The following ZNF331 variants were observed in gnomAD, a reference collection of about 807,000 sequenced individuals.
The protein encoded by ZNF331 is zinc finger protein 331.
A neutral mutation model predicts 7.0 loss-of-function variants in ZNF331; 2 were observed. That is an observed-to-expected ratio of 0.29 (90% confidence interval 0.12 to 0.90). The LOEUF (loss-of-function observed/expected upper bound fraction) is 0.90. Among genes scored for constraint, ZNF331 ranks in the 40% least tolerant of loss-of-function variants. The pLI, the probability that ZNF331 is intolerant of heterozygous loss-of-function variation, is 0.58. For synonymous variants in ZNF331, 196 were observed against 205.4 expected, an observed-to-expected ratio of 0.95 and a Z score of 0.39; for missense variants, 432 against 587.7, an observed-to-expected ratio of 0.74 and a Z score of 2.74.
chr19:53,569,152 G>C (rs1422823152), intron 3 of ZNF331, among the ~76,000 whole-genome samples, 152 bp from the exon 4 acceptor site: 2 of 152,148 alleles, frequency 1.3e-5, no homozygotes, highest in Non-Finnish European at 2.9e-5. Flanking sequence ...CACCGCACCT[G>C]GCCTGATCCA....
intron 2 of ZNF331, among the ~76,000 whole-genome samples, chr19:53,544,243 C>T (rs1214682294): frequency 6.9e-6 from 1 of 144,296 alleles, no homozygotes; most frequent in Non-Finnish European, 1.5e-5. Flanking sequence ...AAAAAATTCT[C>T]AATAAGAATC....
intron 2 of ZNF331, among the ~76,000 whole-genome samples, chr19:53,532,682 T>C (rs1274813403): frequency 6.6e-6 from 1 of 152,210 alleles, no homozygotes; most frequent in Non-Finnish European, 1.5e-5. Context: ...TTCTGTATTA[T>C]TTGTTCAATC....
rs775658399 is a variant in ZNF331, at chr19:53,569,394, A to G, written c.9+9A>G. On this transcript the variant is annotated intron_variant, in intron 4 of 5. Transcript: ENST00000449416. ...CTAAAACAATGGCCCAGGTAAGTGT[A>G]TATTTCTCTTTCCTTCTTGAGCTAT... 7 of 1,613,806 alleles carry G rather than the reference A, an allele frequency of 4.3e-6. No individual in the cohort carries two copies. Among genetic ancestry groups the G allele is most frequent in the Non-Finnish European group, 5.9e-6 (7 of 1,179,854 alleles).
chr19:53,524,532 T>C (rs1419102738), intron 2 of ZNF331, among the ~76,000 whole-genome samples: 1 of 152,258 alleles, frequency 6.6e-6, no homozygotes, highest in Non-Finnish European at 1.5e-5. Context: ...GAGCATTTTT[T>C]CATGTGTCTG....
chr19:53,545,322 A>G (rs1453274767), intron 2 of ZNF331, among the ~76,000 whole-genome samples: 1 of 152,180 alleles, frequency 6.6e-6, no homozygotes, highest in Non-Finnish European at 1.5e-5. Context: ...CTGTGACGTT[A>G]GTACTTGGAA....
At position 53,577,183 on chromosome 19, in the gene ZNF331, T is replaced by C; in HGVS notation, c.623T>C (p.Ile208Thr). Reference sequence around the variant, plus strand: ...TCAAGCCTCGTTATTCATAAGAGGATTCATACTGGTGAAAAACCCTATGAA... The same window carrying C: ...TCAAGCCTCGTTATTCATAAGAGGACTCATACTGGTGAAAAACCCTATGAA... ...WGSSLVIHKR[I>T]HTGEKPYECK... Residue 208 changes from isoleucine (I) to threonine (T), a missense_variant, in exon 6 of 6, where the codon ATT becomes ACT. This residue lies in a region of ZNF331 where 312 missense variants were observed against 448.6 expected (regional missense o/e 0.70). Coordinates refer to ENST00000449416, the MANE Select transcript of ZNF331 (RefSeq NM_001079906.2). The C allele has an allele frequency of 6.2e-7, 1 of 1,613,394 alleles. No homozygotes were observed. Among genetic ancestry groups the C allele is most frequent in the Non-Finnish European group, 8.5e-7 (1 of 1,179,872 alleles).
At chr19:53,512,961 C>T in the ZNF331 span, among the ~76,000 whole-genome samples, 1 of 151,186 alleles carries the variant, frequency 6.6e-6, no homozygotes. Context: ...CTAATCTAGA[C>T]AGTTCTCTGC....
chr19:53,538,628 G>A (rs1445077194), intron 1 of ZNF331: 1 of 153,302 alleles, frequency 6.5e-6, no homozygotes, highest in Non-Finnish European at 1.5e-5. Context: ...GGGCGCAGAT[G>A]TGTCTCAGGA....
the ZNF331 span, among the ~76,000 whole-genome samples, chr19:53,506,462 C>CTCTCTCTGTCTCTCTCTG: frequency 7.3e-6 from 1 of 137,318 alleles, no homozygotes; most frequent in Non-Finnish European, 1.6e-5. Context: ...CTCTCTCTCT[C>CTCTCTCTGTCTCTCTCTG]TCTCTCTCTC....
chr19:53,557,887 C>T (rs548703676), intron 3 of ZNF331, among the ~76,000 whole-genome samples: 143 of 152,150 alleles, frequency 9.4e-4, no homozygotes, highest in Admixed American at 1.8e-3. Context: ...TCGCTTGAAC[C>T]TGGGAGGCTG....
chr19:53,544,998 A>C lies in ZNF331; in HGVS notation c.-138+5716A>C, dbSNP rs1232737668. On this transcript the variant is annotated intron_variant, in intron 2 of 5. Transcript: ENST00000449416. ...CTTGGCCTCCAAAAGTGCTGGGATT[A>C]CAGGCATGAGCCACCATGCCCGGCC... 3.3e-5 allele frequency among the ~76,000 whole-genome samples: 5 copies of C among 152,258 alleles called. No individual in the cohort carries two copies. In the East Asian group the frequency reaches 9.7e-4, roughly 29 times the overall value.
intron 3 of ZNF331, among the ~76,000 whole-genome samples, chr19:53,559,033 C>T (rs2089627894): frequency 6.6e-6 from 1 of 151,362 alleles, no homozygotes; most frequent in Non-Finnish European, 1.5e-5. Flanking sequence ...TATAGAGACA[C>T]ATATATACAC....
At position 53,577,350 on chromosome 19, in the gene ZNF331, A is replaced by C. The variant is rs1244958835; in HGVS notation, c.790A>C (p.Ile264Leu). The C allele has an allele frequency of 6.2e-7, 1 of 1,613,898 alleles. No individual in the cohort carries two copies. Among genetic ancestry groups the C allele is most frequent in the Admixed American group, 1.7e-5 (1 of 59,978 alleles). The change falls in exon 6 of 6, where the codon ATT becomes CTT. Residue 264 changes from isoleucine (I) to leucine (L), a missense_variant. Physicochemically the swap from Ile to Leu is conservative, Grantham distance 5. Around this residue, in one of 3 missense-constraint regions of ZNF331, gnomAD observed 312 missense variants for 448.6 expected, o/e 0.70. Transcript: ENST00000449416. ...GTATAAACTTATTCAGCACAAGAGA[A>C]TTCATAGTGGGGAGAAGCCTTACGA... ...RVYKLIQHKR[I>L]HSGEKPYECK...
chr19:53,570,057 A>G (rs2147645245), intron 4 of ZNF331, among the ~76,000 whole-genome samples: 1 of 152,206 alleles, frequency 6.6e-6, no homozygotes. Context: ...GGAGTTCAAA[A>G]CCAACCTGAC....
At chr19:53,515,658 C>T (rs566821502), upstream of ZNF331, among the ~76,000 whole-genome samples, 1,407 of 152,212 alleles carry the variant, frequency 9.2e-3, 5 homozygotes, top group Middle Eastern at 0.024. Flanking sequence ...CCACCACGCC[C>T]GGCTAATTTT....
intron 3 of ZNF331, among the ~76,000 whole-genome samples, chr19:53,556,505 T>G (rs1179151240): frequency 6.6e-6 from 1 of 151,852 alleles, no homozygotes; most frequent in Non-Finnish European, 1.5e-5. Flanking sequence ...TTTTTTTTTT[T>G]TTAGAGACAG....
At chr19:53,542,960 C>T (rs2088284513) in intron 2 of ZNF331, among the ~76,000 whole-genome samples, 1 of 152,190 alleles carries the variant, frequency 6.6e-6, no homozygotes, top group Non-Finnish European at 1.5e-5. Flanking sequence ...CAGGCAAGTG[C>T]CACCACGCCC....
intron 2 of ZNF331, chr19:53,554,692 A>T (rs1482877260): frequency 6.6e-6 from 1 of 152,224 alleles, no homozygotes. Flanking sequence ...CAGTCCGCGC[A>T]GGTGAGATTG....
intron 5 of ZNF331, among the ~76,000 whole-genome samples, chr19:53,574,937 C>CTT (rs11354144): frequency 4.2e-5 from 5 of 119,514 alleles, no homozygotes; most frequent in Non-Finnish European, 6.8e-5. Context: ...TTTTTCTTTT[C>CTT]TTTTTTTTTT....
Sources: gnomAD v4.1 joint callset for allele counts (sites outside exome capture counted in the v4.1 genomes callset) on GRCh38, gnomAD v4.1.1 for gene constraint, gnomAD v4.1.1 regional missense constraint, MANE v1.5 for transcripts, NCBI Gene and HGNC (gene_info 2026-07-23, HGNC 2026-07-21) for gene names.